NPAS3: variants seen among roughly 807,000 people sequenced by gnomAD.
NPAS3 encodes neuronal PAS domain-containing protein 3.
A neutral mutation model predicts 73.1 loss-of-function variants in NPAS3; 14 were observed. The ratio of observed to expected loss-of-function variants is 0.19; its 90% confidence interval spans 0.13 to 0.30. NPAS3 has a LOEUF of 0.30. NPAS3 is among the 10% of genes least tolerant of loss of function. The probability of loss-of-function intolerance (pLI) is 1.00; values close to 1 mark genes in which losing one functional copy is unlikely to be tolerated. For synonymous variants in NPAS3, 620 were observed against 541.5 expected (o/e 1.14, Z -2.01); for missense variants, 1,096 against 1,250.0 (o/e 0.88, Z 1.86).
chr14:33,483,759 C>T (rs570991901), intron 4 of NPAS3, among the ~76,000 whole-genome samples: 2 of 152,296 alleles, frequency 1.3e-5, no homozygotes, highest in Non-Finnish European at 2.9e-5. Flanking sequence ...GACCCAAGCA[C>T]CTCCCTCGAA....
chr14:33,668,875 A>C (rs996230662), intron 5 of NPAS3, among the ~76,000 whole-genome samples: 5 of 152,116 alleles, frequency 3.3e-5, no homozygotes, highest in African/African-American at 9.7e-5. Context: ...TCAATCTTAC[A>C]AGCATTTTCC....
intron 3 of NPAS3, among the ~76,000 whole-genome samples, chr14:33,301,012 A>AT (rs966563902): frequency 2.6e-5 from 4 of 151,772 alleles, no homozygotes; most frequent in Non-Finnish European, 2.9e-5. Flanking sequence ...TGGCTTTGAT[A>AT]TTTTCTCTTG....
intron 2 of NPAS3, among the ~76,000 whole-genome samples, chr14:33,132,202 G>A (rs1178144818): frequency 6.6e-6 from 1 of 152,120 alleles, no homozygotes; most frequent in Non-Finnish European, 1.5e-5. Context: ...AAGTGGAGAT[G>A]AAAGGAGGTG....
Position 33,396,421 on chromosome 14 carries a change from C to T in NPAS3, c.468+29153C>T, listed in dbSNP as rs189501021. Among the ~76,000 whole-genome samples the T allele has an allele frequency of 4.6e-5, 7 of 152,264 alleles. No homozygotes were observed. In the East Asian group the frequency reaches 1.4e-3, roughly 29 times the overall value. Reference sequence around the variant, plus strand: ...TGTTATCTTATTTTGACCTTAAATACTACAGCGTTCTCTATTGGCTCCTCA... The same window carrying T: ...TGTTATCTTATTTTGACCTTAAATATTACAGCGTTCTCTATTGGCTCCTCA... On this transcript the variant is annotated intron_variant, in intron 4 of 11. Transcript: ENST00000356141.
intron 7 of NPAS3, among the ~76,000 whole-genome samples, chr14:33,746,483 G>A (rs1478660398): frequency 1.3e-5 from 2 of 150,424 alleles, no homozygotes; most frequent in East Asian, 1.9e-4. Context: ...CACCACACCC[G>A]GCCCTCTACT....
At chr14:33,708,856 T>C (rs771753788) in intron 6 of NPAS3, among the ~76,000 whole-genome samples, 27 of 152,148 alleles carry the variant, frequency 1.8e-4, no homozygotes, top group Non-Finnish European at 2.2e-4. Flanking sequence ...CCTGAGTGTG[T>C]GTGGGTCTTT....
chr14:33,529,402 A>G (rs1290917356), intron 4 of NPAS3, among the ~76,000 whole-genome samples: 4 of 152,044 alleles, frequency 2.6e-5, no homozygotes, highest in African/African-American at 9.7e-5. Flanking sequence ...ATTTTTCCTG[A>G]GCAGAATCTA....
intron 5 of NPAS3, among the ~76,000 whole-genome samples, chr14:33,606,221 C>A (rs183961861): frequency 3.2e-5 from 4 of 124,910 alleles, no homozygotes; most frequent in Non-Finnish European, 6.7e-5. Context: ...ATCCCTCCCC[C>A]CCTCCCCCCA....
intron 9 of NPAS3, chr14:33,780,829 T>A: frequency 3.6e-6 from 1 of 274,286 alleles, no homozygotes; most frequent in South Asian, 3.3e-5. Flanking sequence ...CTAATTTTTC[T>A]GGTATCTTGC....
chr14:33,117,067 A>T (rs117862145), intron 2 of NPAS3, among the ~76,000 whole-genome samples: 2,191 of 152,242 alleles, frequency 0.014, 24 homozygotes, highest in Non-Finnish European at 0.018. Flanking sequence ...AGCATTATTT[A>T]AAAAATTTGA....
chr14:32,963,848 C>T (rs147045838), intron 1 of NPAS3, among the ~76,000 whole-genome samples: 1 of 151,992 alleles, frequency 6.6e-6, no homozygotes, highest in African/African-American at 2.4e-5. Flanking sequence ...ATGAATGATC[C>T]TGATCCTCAG....
In NPAS3 at chr14:33,370,782, T is replaced by C. The variant is rs116714270; in HGVS notation, c.468+3514T>C. 3.0e-3 allele frequency among the ~76,000 whole-genome samples: 452 copies of C among 152,136 alleles called. 2 individuals carry two copies. Among genetic ancestry groups the C allele is most frequent in the African/African-American group, 0.01 (425 of 41,504 alleles). On this transcript the variant is annotated intron_variant, in intron 4 of 11. Coordinates refer to ENST00000356141, the Ensembl canonical transcript of NPAS3. Reference sequence around the variant, plus strand: ...GAATCATTAGCATGTGGCCCATAATTAGAGGTGAAAGGCTAGAGAATGACA... The same window carrying C: ...GAATCATTAGCATGTGGCCCATAATCAGAGGTGAAAGGCTAGAGAATGACA...
Position 33,309,461 on chromosome 14 carries a change from C to T in NPAS3, c.386-57725C>T, listed in dbSNP as rs368987989. Among the ~76,000 whole-genome samples, 6 of 152,210 alleles carry T rather than the reference C, an allele frequency of 3.9e-5. 1 individual carries two copies. In the East Asian group the frequency reaches 9.6e-4, roughly 24 times the overall value. On this transcript the variant is annotated intron_variant, in intron 3 of 11. Transcript: ENST00000356141. ...AGCATGTTGATGTCCAGGAGGCTCTCAAATGTGTGGGCTGTGCGACTCTGC... is the reference window on the plus strand; with the variant it reads ...AGCATGTTGATGTCCAGGAGGCTCTTAAATGTGTGGGCTGTGCGACTCTGC...
At chr14:33,760,500 C>T (rs1442160801) in intron 7 of NPAS3, among the ~76,000 whole-genome samples, 1 of 152,122 alleles carries the variant, frequency 6.6e-6, no homozygotes, top group Non-Finnish European at 1.5e-5. Context: ...ACTTCAAAAA[C>T]ATTATTTGAC....
At chr14:33,635,434 A>G (rs1050485510) in intron 5 of NPAS3, among the ~76,000 whole-genome samples, 1 of 152,202 alleles carries the variant, frequency 6.6e-6, no homozygotes, top group Non-Finnish European at 1.5e-5. Context: ...AGCAAGGGGA[A>G]TTTTAGACTA....
intron 8 of NPAS3, 76 bp from the exon 9 acceptor site, chr14:33,778,390 A>G: frequency 9.4e-7 from 1 of 1,065,420 alleles, no homozygotes. Flanking sequence ...TGTCAGTAGA[A>G]CTGTTTCTAA....
At chr14:33,368,765 A>T (rs1296521626) in intron 4 of NPAS3, among the ~76,000 whole-genome samples, 2 of 152,180 alleles carry the variant, frequency 1.3e-5, no homozygotes, top group Non-Finnish European at 2.9e-5. Flanking sequence ...TTCTTTCTAG[A>T]TCTTCAAATT....
At chr14:33,605,393 T>A (rs1330891690) in intron 5 of NPAS3, among the ~76,000 whole-genome samples, 9 of 137,378 alleles carry the variant, frequency 6.6e-5, no homozygotes, top group Non-Finnish European at 9.3e-5. Flanking sequence ...GCATTCAAAT[T>A]AAAAAAAAAA....
intron 3 of NPAS3, among the ~76,000 whole-genome samples, chr14:33,357,029 C>T (rs1362007405): frequency 6.6e-6 from 1 of 152,156 alleles, no homozygotes; most frequent in Non-Finnish European, 1.5e-5. Flanking sequence ...TGTTTATTTT[C>T]TAACTTTCCC....
Sources: gnomAD v4.1 joint callset for allele counts (sites outside exome capture counted in the v4.1 genomes callset) on GRCh38, gnomAD v4.1.1 for gene constraint, MANE v1.5 for transcripts, NCBI Gene and HGNC (gene_info 2026-07-23, HGNC 2026-07-21) for gene names.